Variants in NTRK1 observed in about 807,000 individuals in gnomAD.
The protein encoded by NTRK1 is neurotrophic receptor tyrosine kinase 1, also known as high affinity nerve growth factor receptor.
NTRK1 carries 62 observed loss-of-function variants against 86.8 expected under a neutral mutation model. The ratio of observed to expected loss-of-function variants is 0.71; its 90% CI spans 0.58 to 0.88. The LOEUF is 0.88. NTRK1 is among the 40% of genes least tolerant of loss of function. The probability of loss-of-function intolerance (pLI) is 0.00; values close to 1 mark genes in which losing one functional copy is unlikely to be tolerated. For synonymous variants in NTRK1, 469 were observed against 456.6 expected (o/e 1.03, Z -0.35); for missense variants, 967 against 1,078.4 (o/e 0.90, Z 1.45).
chr1:156,875,964 T>C, intron 12 of NTRK1, 116 bp from the exon 13 acceptor site: 4 of 1,505,992 alleles, frequency 2.7e-6, no homozygotes, highest in Admixed American at 3.3e-5. Flanking sequence ...TTAGCCCCCA[T>C]GCAGTCCCTC....
chr1:156,848,986 G>T, intron 2 of NTRK1: 1 of 1,611,598 alleles, frequency 6.2e-7, no homozygotes, highest in Non-Finnish European at 8.5e-7. Context: ...AGCGCTCCCA[G>T]CGTAGCAGGA....
In NTRK1 at chr1:156,875,542, G is replaced by A. The variant is rs1419671038; in HGVS notation, c.1377G>A (p.Glu459=). 1.2e-6 allele frequency: 2 copies of A among 1,613,832 alleles called. No individual in the cohort carries two copies. Among genetic ancestry groups the A allele is most frequent in the African/African-American group, 1.3e-5 (1 of 74,898 alleles). The change falls in exon 12 of 17, where the codon GAG becomes GAA. Residue 459 remains glutamate, a synonymous_variant. Transcript: ENST00000524377. Reference sequence around the variant, plus strand: ...TAGGCCCGGCTGTGCTGGCTCCAGAGGATGGGCTGGCCATGTCCCTGCATT... The same window carrying A: ...TAGGCCCGGCTGTGCTGGCTCCAGAAGATGGGCTGGCCATGTCCCTGCATT... ...GINRPAVLAP[E]DGLAMSLHFM... is the part of the protein sequence containing the mutation.
intron 2 of NTRK1, chr1:156,851,647 G>A (rs749732180): frequency 1.7e-5 from 27 of 1,614,082 alleles, no homozygotes; most frequent in Non-Finnish European, 2.3e-5. Flanking sequence ...GGTACTGACA[G>A]CCCTGGCGAA....
intron 1 of NTRK1, chr1:156,841,407 A>G: frequency 6.2e-7 from 1 of 1,613,602 alleles, no homozygotes; most frequent in Non-Finnish European, 8.5e-7. Context: ...TGAAGGGGAC[A>G]GCCCTCCAGC....
rs1208054448 is a variant in NTRK1 at position 156,874,865 on chromosome 1, A to C, written c.1252-41A>C. The stretch of plus-strand genomic sequence containing the variant: ...TTACTACAGGAGGCTCTGAGAGTAC[A>C]GGAGGAGCCCCTGGATCTAACTACC... On this transcript the variant is annotated intron_variant, in intron 10 of 16. Coordinates refer to ENST00000524377, the MANE Select transcript of NTRK1 (RefSeq NM_002529.4). The C allele has an allele frequency of 2.1e-6, 3 of 1,452,136 alleles. No individual in the cohort carries two copies. In the African/African-American group the frequency reaches 4.2e-5, roughly 20 times the overall value. The allele number at this position is 1,452,136 out of a possible 1,614,324, so 90.0% of individuals were successfully genotyped here.
rs755479838 is a variant in NTRK1 at position 156,876,221 on chromosome 1, G to A, written c.1632+11G>A. The A allele has an allele frequency of 6.2e-7, 1 of 1,613,786 alleles. No homozygotes were observed. The highest frequency in any genetic ancestry group is 8.5e-7 in the Non-Finnish European group (1 of 1,180,006). On this transcript the variant is annotated intron_variant, in intron 13 of 16. Coordinates refer to ENST00000524377, the MANE Select transcript of NTRK1 (RefSeq NM_002529.4). ...CTGGTGGCTGTCAAGGTGAGACCCT[G>A]CCCCGGGGGGTACTGCTGGCCTGGG...
chr1:156,842,211 C>A (rs982208257), intron 2 of NTRK1: 1 of 1,614,084 alleles, frequency 6.2e-7, no homozygotes, highest in Non-Finnish European at 8.5e-7. Context: ...ATGCCGTCTG[C>A]AATCTCACCA....
At chr1:156,845,883 G>C in intron 2 of NTRK1, 1 of 1,597,376 alleles carries the variant, frequency 6.3e-7, no homozygotes, top group Non-Finnish European at 8.5e-7. Context: ...CCCACCTGCC[G>C]GGGCCCTGCG....
intron 2 of NTRK1, chr1:156,843,184 G>A: frequency 6.2e-7 from 1 of 1,614,106 alleles, no homozygotes; most frequent in Non-Finnish European, 8.5e-7. Context: ...CCAGTTCCCG[G>A]ATTATCGAGA....
At chr1:156,823,575 G>C (rs1255854043) in intron 1 of NTRK1, among the ~76,000 whole-genome samples, 1 of 152,180 alleles carries the variant, frequency 6.6e-6, no homozygotes, top group Non-Finnish European at 1.5e-5. Context: ...TTCTGGTGAG[G>C]ACACATCACT....
chr1:156,817,428 A>C (rs982435616), intron 1 of NTRK1, among the ~76,000 whole-genome samples: 1 of 131,922 alleles, frequency 7.6e-6, no homozygotes, highest in African/African-American at 3.5e-5. Flanking sequence ...TATTTTTAAA[A>C]TAATAATAAT....
At chr1:156,850,531 ATTCTTT>A (rs370596870) in intron 2 of NTRK1, among the ~76,000 whole-genome samples, 1 of 97,020 alleles carries the variant, frequency 1.0e-5, no homozygotes, top group African/African-American at 3.9e-5. Context: ...AATTTAAAAC[ATTCTTT>A]TTTTTTTTTT....
rs374170641 is a variant in NTRK1, at chr1:156,864,745, G to T, written c.305G>T (p.Gly102Val). ...ELRNLTIVKS[G>V]LRFVAPDAFH... ...CTCCCCAGCACCATCGTGAAGAGTG[G>T]TCTCCGTTTCGTGGCGCCAGATGCC... Residue 102 changes from glycine to valine, a missense_variant, in exon 3 of 17, where the codon GGT (glycine) becomes GTT (valine). Coordinates refer to ENST00000524377, the MANE Select transcript of NTRK1 (RefSeq NM_002529.4). 4 of 1,613,986 alleles carry T rather than the reference G, an allele frequency of 2.5e-6. No homozygotes were observed. The African/African-American group carries it at 5.3e-5, about 22-fold the overall frequency.
At chr1:156,833,370 A>C (rs1654514684) in intron 1 of NTRK1, among the ~76,000 whole-genome samples, 1 of 152,168 alleles carries the variant, frequency 6.6e-6, no homozygotes, top group Non-Finnish European at 1.5e-5. Flanking sequence ...CAGTCTGTCC[A>C]ACATGGTGAA....
At chr1:156,866,769 C>G in intron 3 of NTRK1, 141 bp from the exon 4 acceptor site, 1 of 620,368 alleles carries the variant, frequency 1.6e-6, no homozygotes. Flanking sequence ...ACACTGCCTT[C>G]CAGGGCTGGT....
At chr1:156,845,778 A>C (rs774395052) in intron 2 of NTRK1, 16 of 1,613,032 alleles carry the variant, frequency 9.9e-6, no homozygotes, top group Non-Finnish European at 1.4e-5. Context: ...TTCGCCGTCG[A>C]AGCGCGGATC....
chr1:156,871,714 A>T lies in NTRK1; in HGVS notation c.809A>T (p.Asp270Val), dbSNP rs2102900281. 4 of 1,614,132 alleles carry T rather than the reference A, an allele frequency of 2.5e-6. No individual in the cohort carries two copies. Among genetic ancestry groups the T allele is most frequent in the Non-Finnish European group, 3.4e-6 (4 of 1,180,038 alleles). ...RKNVTCWAEN[D>V]VGRAEVSVQV... The stretch of plus-strand genomic sequence containing the variant: ...AACGTGACGTGCTGGGCAGAGAACG[A>T]TGTGGGCCGGGCAGAGGTCTCTGTT... Residue 270 changes from aspartate (D) to valine (V), a missense_variant, in exon 7 of 17, where the codon GAT (aspartate) becomes GTT (valine). Physicochemically the swap from Asp to Val is radical, Grantham distance 152. Transcript: ENST00000524377.
At chr1:156,835,066 G>T (rs1423108017) in intron 1 of NTRK1, among the ~76,000 whole-genome samples, 1 of 152,188 alleles carries the variant, frequency 6.6e-6, no homozygotes, top group Non-Finnish European at 1.5e-5. Context: ...ACCACACAGG[G>T]TTGGGAGGGG....
At chr1:156,865,222 C>T (rs1279455791) in intron 3 of NTRK1, among the ~76,000 whole-genome samples, 1 of 152,172 alleles carries the variant, frequency 6.6e-6, no homozygotes, top group African/African-American at 2.4e-5. Context: ...TCACCCTCCT[C>T]ATTCCTGGGA....
Sources: allele counts gnomAD v4.1 joint callset (sites outside exome capture counted in the v4.1 genomes callset), GRCh38; gene constraint gnomAD v4.1.1; transcripts MANE v1.5; gene names NCBI Gene and HGNC (gene_info 2026-07-23, HGNC 2026-07-21).